Variants in KTN1 observed in about 807,000 individuals in gnomAD.
The protein encoded by KTN1 is kinectin 1.
Under a neutral mutation model 222.5 loss-of-function variants are expected in KTN1, and 130 were observed. The observed-to-expected ratio is 0.58, with a 90% CI of 0.51 to 0.68. KTN1 has a LOEUF of 0.68. Among genes scored for constraint, KTN1 ranks in the 30% least tolerant of loss-of-function variants. The pLI is 0.00. For missense variants in KTN1, 1,508 were observed against 1,500.4 expected, an observed-to-expected ratio of 1.01 and a Z score of -0.08; for synonymous variants, 512 against 496.3, an observed-to-expected ratio of 1.03 and a Z score of -0.42.
chr14:55,678,391 A>G lies in KTN1; in HGVS notation c.3895A>G (p.Lys1299Glu), dbSNP rs1461542594. 1.9e-6 allele frequency: 3 copies of G among 1,612,914 alleles called. No individual in the cohort carries two copies. The highest frequency in any genetic ancestry group is 2.5e-6 in the Non-Finnish European group (3 of 1,179,048). The part of the protein sequence containing the change: ...SLELIQSKIV[K>E]AAGDTTVIEN... ...GGAGCTTATCCAGTCAAAAATAGTAAAAGCTGCTGGAGACACTACTGTTAT... is the reference window on the plus strand; with the variant it reads ...GGAGCTTATCCAGTCAAAAATAGTAGAAGCTGCTGGAGACACTACTGTTAT... The change falls in exon 42 of 44, where the codon AAA (lysine) becomes GAA (glutamate). Residue 1299 changes from lysine (K) to glutamate (E), a missense_variant. Coordinates refer to ENST00000395314, the MANE Select transcript of KTN1 (RefSeq NM_001079521.2).
At chr14:55,620,106 A>G (rs2038938338) in intron 5 of KTN1, among the ~76,000 whole-genome samples, 1 of 152,162 alleles carries the variant, frequency 6.6e-6, no homozygotes, top group African/African-American at 2.4e-5. Flanking sequence ...CAAATCTGAA[A>G]TCCAGTGGGG....
intron 1 of KTN1, among the ~76,000 whole-genome samples, chr14:55,595,199 T>TATGTTGAATAAA (rs1319598807): frequency 0.077 from 11,677 of 152,306 alleles, 495 homozygotes; most frequent in South Asian, 0.11. Context: ...GGGAAATAAT[T>TATGTTGAATAAA]ACGTTGAATA....
chr14:55,603,193 T>C (rs2036233214), intron 1 of KTN1, among the ~76,000 whole-genome samples: 1 of 152,106 alleles, frequency 6.6e-6, no homozygotes, highest in African/African-American at 2.4e-5. Flanking sequence ...CATATTATCA[T>C]GCTGTAATTT....
intron 5 of KTN1, 121 bp from the exon 6 acceptor site, chr14:55,627,790 GA>G (rs2040027952): frequency 1.3e-5 from 8 of 616,952 alleles, no homozygotes; most frequent in Non-Finnish European, 2.4e-5. Context: ...CAAAGGACAT[GA>G]ACTCATTCTT....
intron 25 of KTN1, among the ~76,000 whole-genome samples, chr14:55,652,177 C>G (rs1330981159): frequency 1.3e-5 from 2 of 152,112 alleles, no homozygotes; most frequent in African/African-American, 4.8e-5. Context: ...AGATGTTGCT[C>G]TTTGCCTATT....
intron 1 of KTN1, among the ~76,000 whole-genome samples, chr14:55,609,937 T>A (rs1175146390): frequency 6.6e-6 from 1 of 152,220 alleles, no homozygotes; most frequent in Non-Finnish European, 1.5e-5. Flanking sequence ...TCACACTTAA[T>A]GGAGGCACAG....
At position 55,637,269 on chromosome 14, in the gene KTN1, G is replaced by C; in HGVS notation, c.1621G>C (p.Val541Leu). 6.2e-7 allele frequency: 1 copy of C among 1,611,582 alleles called. No homozygotes were observed. ...SLHSKLTDTL[V>L]SKQQLEQRLM... The stretch of plus-strand genomic sequence containing the variant: ...GCATAGTAAGCTTACAGATACCTTG[G>C]TATCAAAACAACAGTTGGAGCAAAG... The change falls in exon 11 of 44, where the codon GTA becomes CTA. Residue 541 changes from valine to leucine, a missense_variant. Coordinates refer to ENST00000395314, the MANE Select transcript of KTN1 (RefSeq NM_001079521.2).
At chr14:55,662,097 G>T (rs527744295) in intron 32 of KTN1, among the ~76,000 whole-genome samples, 1 of 145,084 alleles carries the variant, frequency 6.9e-6, no homozygotes, top group Admixed American at 7.0e-5. Context: ...TTAAGACAGG[G>T]TCTCGCTCTG....
At chr14:55,641,600 G>A in intron 17 of KTN1, 92 bp from the exon 18 acceptor site, 1 of 821,256 alleles carries the variant, frequency 1.2e-6, no homozygotes, top group Non-Finnish European at 2.1e-6. Flanking sequence ...TGAAAGCTGA[G>A]ATAAAGGTTT....
intron 25 of KTN1, among the ~76,000 whole-genome samples, chr14:55,652,164 T>C (rs909547699): frequency 6.6e-6 from 1 of 152,172 alleles, no homozygotes; most frequent in African/African-American, 2.4e-5. Context: ...TAACCTCAAA[T>C]TGAGATGTTG....
At chr14:55,648,378 C>A (rs774099354) in intron 20 of KTN1, among the ~76,000 whole-genome samples, 9 of 152,152 alleles carry the variant, frequency 5.9e-5, no homozygotes, top group Admixed American at 3.9e-4. Context: ...TGATAACTAG[C>A]AGACTTAATT....
intron 10 of KTN1, 84 bp from the exon 11 acceptor site, chr14:55,637,114 G>T: frequency 1.0e-6 from 1 of 967,974 alleles, no homozygotes. Context: ...AGGTTTTCTA[G>T]AGGAGAGAAT....
At chr14:55,651,970 A>C (rs779307702) in intron 25 of KTN1, 43 bp downstream of exon 25, 1 of 1,221,862 alleles carries the variant, frequency 8.2e-7, no homozygotes, top group South Asian at 1.3e-5. Context: ...TTTCTTTTTC[A>C]TGAGTTAAAT....
Position 55,684,132 on chromosome 14 carries a change from T to TA in KTN1, c.*35dup. ...AATTGGGAAACTGTTCATTTGAGGA[T>TA]AAAAAAGGCATTGTATTATATTTTG... On this transcript the variant is annotated 3_prime_UTR_variant, in exon 44 of 44. Transcript: ENST00000395314. 5 of 1,580,086 alleles carry TA rather than the reference T, an allele frequency of 3.2e-6. No individual in the cohort carries two copies. The highest frequency in any genetic ancestry group is 4.3e-6 in the Non-Finnish European group (5 of 1,154,352).
chr14:55,626,577 C>CTGTTTTGTTTTGTTT (rs373375979), intron 5 of KTN1, among the ~76,000 whole-genome samples: 2 of 151,770 alleles, frequency 1.3e-5, no homozygotes, highest in Admixed American at 1.3e-4. Flanking sequence ...TGTATAGATC[C>CTGTTTTGTTTTGTTT]TGTTTTGTTT....
chr14:55,633,887 C>T (rs1021027389), intron 8 of KTN1, among the ~76,000 whole-genome samples: 5 of 152,132 alleles, frequency 3.3e-5, no homozygotes, highest in African/African-American at 1.2e-4. Flanking sequence ...GCCTGTAATC[C>T]TGGCACTTTG....
intron 32 of KTN1, chr14:55,663,688 TTTC>T (rs1199855529): frequency 6.4e-6 from 2 of 313,972 alleles, no homozygotes. Context: ...TTTTGAATGC[TTTC>T]TTCTTTGTCA....
At position 55,651,878 on chromosome 14, in the gene KTN1, T is replaced by C; in HGVS notation, c.2566-12T>C. ...GGATTATTAATTGATTTTTCTGTCC[T>C]TTGTATTTCAGTTATCTATCACTTC... On this transcript the variant is annotated splice_polypyrimidine_tract_variant and intron_variant, in intron 24 of 43. Transcript: ENST00000395314. The C allele has an allele frequency of 6.5e-7, 1 of 1,536,996 alleles. No individual in the cohort carries two copies. Among genetic ancestry groups the C allele is most frequent in the Non-Finnish European group, 9.0e-7 (1 of 1,116,398 alleles).
chr14:55,673,103 C>T (rs991653535), intron 39 of KTN1, 69 bp from the exon 40 acceptor site: 1 of 1,492,976 alleles, frequency 6.7e-7, no homozygotes, highest in African/African-American at 1.4e-5. Context: ...TGTGGCAGAG[C>T]TTCCGAGTAG....
Sources: gnomAD v4.1 joint callset for allele counts (sites outside exome capture counted in the v4.1 genomes callset) on GRCh38, gnomAD v4.1.1 for gene constraint, MANE v1.5 for transcripts, NCBI Gene and HGNC (gene_info 2026-07-23, HGNC 2026-07-21) for gene names.